Variants in GPD1 observed in about 807,000 individuals in gnomAD.
GPD1 encodes the protein glycerol-3-phosphate dehydrogenase 1.
A neutral mutation model predicts 34.4 loss-of-function variants in GPD1; 19 were observed. That is an observed-to-expected ratio of 0.55 (90% CI 0.39 to 0.81). GPD1 has a LOEUF of 0.81. Among genes scored for constraint, GPD1 ranks in the 30% least tolerant of loss-of-function variants. GPD1 has a pLI of 0.00. For missense variants in GPD1, 429 were observed against 447.0 expected (o/e 0.96, Z 0.36); for synonymous variants, 172 against 174.1 (o/e 0.99, Z 0.09).
Position 50,106,338 on chromosome 12 carries a change from G to A in GPD1, c.411G>A (p.Gly137=), listed in dbSNP as rs903590168. The change falls in exon 4 of 8, where the codon GGG becomes GGA. Residue 137 remains glycine, a synonymous_variant. Transcript: ENST00000301149. ...TGAAGCTCATCTCGGAAGTGATTGG[G>A]GAGCGCCTCGGCATCCCCATGAGTG... is the stretch of plus-strand genomic sequence containing the variant. ...NGLKLISEVI[G]ERLGIPMSVL... 9 of 1,613,590 alleles carry A rather than the reference G, an allele frequency of 5.6e-6. No individual in the cohort carries two copies. The highest frequency in any genetic ancestry group is 6.8e-6 in the Non-Finnish European group (8 of 1,179,750).
intron 2 of GPD1, chr12:50,105,274 G>A (rs963244126): frequency 2.5e-5 from 12 of 479,986 alleles, no homozygotes; most frequent in East Asian, 1.0e-4. Context: ...TTGGCCTCCC[G>A]CACTGTCCCA....
chr12:50,108,092 G>A lies in GPD1; in HGVS notation c.915G>A (p.Glu305=). 1 of 1,612,338 alleles carries A rather than the reference G, an allele frequency of 6.2e-7. No individual in the cohort carries two copies. ...TGCAGGGGCCCGAGACAGCCCGGGAGCTATACAGCATCCTCCAGCACAAGG... is the reference window on the plus strand; with the variant it reads ...TGCAGGGGCCCGAGACAGCCCGGGAACTATACAGCATCCTCCAGCACAAGG... ...QKLQGPETAR[E]LYSILQHKGL... Residue 305 remains glutamate (E), a synonymous_variant, in exon 7 of 8, where the codon GAG becomes GAA. Transcript: ENST00000301149.
chr12:50,109,271 T>G, intron 7 of GPD1, 152 bp from the exon 8 acceptor site: 2 of 611,104 alleles, frequency 3.3e-6, no homozygotes, highest in Non-Finnish European at 6.0e-6. Context: ...GGCTAGGGAG[T>G]TCACATTCTC....
rs1458028103 is a variant in GPD1 at position 50,107,684 on chromosome 12, A to G, written c.730A>G (p.Ser244Gly). 1 of 1,614,004 alleles carries G rather than the reference A, an allele frequency of 6.2e-7. No individual in the cohort carries two copies. Among genetic ancestry groups the G allele is most frequent in the Non-Finnish European group, 8.5e-7 (1 of 1,179,850 alleles). ...EMIAFAKLFC[S>G]GPVSSATFLE... ...GATAGCCTTCGCCAAGCTCTTCTGC[A>G]GTGGCCCTGTGTCCTCTGCCACCTT... The change falls in exon 6 of 8, where the codon AGT becomes GGT. Residue 244 changes from serine (S) to glycine (G), a missense_variant. Physicochemically the swap from Ser to Gly is moderately conservative, Grantham distance 56. Coordinates refer to ENST00000301149, the MANE Select transcript of GPD1 (RefSeq NM_005276.4).
intron 3 of GPD1, 112 bp from the exon 4 acceptor site, chr12:50,106,176 C>A: frequency 5.1e-6 from 5 of 973,228 alleles, no homozygotes; most frequent in Non-Finnish European, 7.5e-6. Flanking sequence ...TGGGGCAGGA[C>A]CTGTCGGGAG....
rs1292329160 is a variant in GPD1 at position 50,104,751 on chromosome 12, G to A, written c.219G>A (p.Val73=). 6.2e-7 allele frequency: 1 copy of A among 1,613,060 alleles called. No homozygotes were observed. Among genetic ancestry groups the A allele is most frequent in the Non-Finnish European group, 8.5e-7 (1 of 1,179,276 alleles). The change falls in exon 2 of 8, where the codon GTG becomes GTA. Residue 73 remains valine (V), a splice_region_variant and synonymous_variant. Coordinates refer to ENST00000301149, the MANE Select transcript of GPD1 (RefSeq NM_005276.4). ...CAGGGCACAAGTTGCCCCCAAATGT[G>A]GTGAGCCCCAACACCCTGCGAAGAA... ...YLPGHKLPPN[V]VAVPDVVQAA...
At position 50,105,700 on chromosome 12, in the gene GPD1, A is replaced by C; in HGVS notation, c.360+12A>C. The C allele has an allele frequency of 1.2e-6, 2 of 1,613,752 alleles. No homozygotes were observed. Among genetic ancestry groups the C allele is most frequent in the Non-Finnish European group, 1.7e-6 (2 of 1,179,730 alleles). On this transcript the variant is annotated intron_variant, in intron 3 of 7. Coordinates refer to ENST00000301149, the MANE Select transcript of GPD1 (RefSeq NM_005276.4). ...TATCTCTTATTAAGGTGCCAGGGAC[A>C]CCTTCATGTGGATGGGGGAGGGTGC...
rs1297564374 is a variant in GPD1 at position 50,105,565 on chromosome 12, G to A, written c.237G>A (p.Val79=). The stretch of plus-strand genomic sequence containing the variant: ...CCCCACAGGTGGCTGTCCCAGATGT[G>A]GTCCAGGCTGCAGAGGATGCTGACA... The part of the protein sequence containing the change: ...LPPNVVAVPD[V]VQAAEDADIL... The change falls in exon 3 of 8, where the codon GTG becomes GTA. Residue 79 remains valine, a synonymous_variant. Coordinates refer to ENST00000301149, the MANE Select transcript of GPD1 (RefSeq NM_005276.4). 1.9e-6 allele frequency: 3 copies of A among 1,613,510 alleles called. No homozygotes were observed. The African/African-American group carries it at 4.0e-5, about 22-fold the overall frequency.
chr12:50,104,117 G>A, intron 1 of GPD1, 26 bp downstream of exon 1: 5 of 1,611,094 alleles, frequency 3.1e-6, no homozygotes, highest in Middle Eastern at 1.7e-4. Flanking sequence ...AAGTGATATG[G>A]GGGAAGGGTA....
At position 50,105,946 on chromosome 12, in the gene GPD1, A is replaced by T. The variant is rs751813883; in HGVS notation, c.360+258A>T. 72 of 678,664 alleles carry T rather than the reference A, an allele frequency of 1.1e-4. No homozygotes were observed. In the South Asian group the frequency reaches 1.1e-3, roughly 10 times the overall value. The allele number at this position is 678,664 out of a possible 1,614,324, so 42.0% of individuals were successfully genotyped here. A position where few individuals can be genotyped will look rare whatever the true frequency, so the allele number is the denominator to read the frequency against. ...TCGGAGGTATAAAGGAATGCCTGGG[A>T]GATATGAGAAGCGGGCTGGTTTGAG... On this transcript the variant is annotated intron_variant, in intron 3 of 7. Coordinates refer to ENST00000301149, the MANE Select transcript of GPD1 (RefSeq NM_005276.4).
At chr12:50,109,363 GT>G (rs1951005756) in intron 7 of GPD1, 59 bp from the exon 8 acceptor site, 1 of 859,326 alleles carries the variant, frequency 1.2e-6, no homozygotes. Flanking sequence ...GTGAGTGGGG[GT>G]GGGGGTAGAG....
Position 50,106,327 on chromosome 12 carries a change from G to A in GPD1, c.400G>A (p.Glu134Lys). The change falls in exon 4 of 8, where the codon GAA becomes AAA. Residue 134 changes from glutamate (E) to lysine (K), a missense_variant. Physicochemically the swap from Glu to Lys is moderately conservative, Grantham distance 56 (BLOSUM62 1). Transcript: ENST00000301149. ...CCCCAATGGGCTGAAGCTCATCTCG[G>A]AAGTGATTGGGGAGCGCCTCGGCAT... The part of the protein sequence containing the change: ...EGPNGLKLIS[E>K]VIGERLGIPM... 2.5e-6 allele frequency: 4 copies of A among 1,613,658 alleles called. No individual in the cohort carries two copies. Among genetic ancestry groups the A allele is most frequent in the Non-Finnish European group, 3.4e-6 (4 of 1,179,806 alleles).
chr12:50,105,515 G>T (rs761306104), intron 2 of GPD1, 33 bp from the exon 3 acceptor site: 1 of 1,598,784 alleles, frequency 6.3e-7, no homozygotes, highest in South Asian at 1.1e-5. Context: ...GGGGAGGTCT[G>T]CCAGGCCCGC....
chr12:50,104,824 A>G, intron 2 of GPD1, 73 bp downstream of exon 2: 1 of 1,325,296 alleles, frequency 7.5e-7, no homozygotes, highest in Non-Finnish European at 1.1e-6. Flanking sequence ...CTTACTCAAC[A>G]GGTGCCTCCT....
chr12:50,104,888 G>A lies in GPD1; in HGVS notation c.219+137G>A, dbSNP rs182514718. 2.5e-5 allele frequency: 17 copies of A among 671,656 alleles called. 1 individual carries two copies. The highest frequency in any genetic ancestry group is 1.1e-4 in the Admixed American group (4 of 37,246). 41.6% of individuals were successfully genotyped at this position (671,656 alleles called of 1,614,324 possible). On this transcript the variant is annotated intron_variant, in intron 2 of 7. Coordinates refer to ENST00000301149, the MANE Select transcript of GPD1 (RefSeq NM_005276.4). The stretch of plus-strand genomic sequence containing the variant: ...GACTTGGGAAGGTCTCAGGAGGGCT[G>A]CTCTGGGCCCTTTCCTGAGGACTGA...
Position 50,106,290 on chromosome 12 carries a change from G to C in GPD1, c.363G>C (p.Gly121=), listed in dbSNP as rs1008532410. 5 of 1,608,884 alleles carry C rather than the reference G, an allele frequency of 3.1e-6. No individual in the cohort carries two copies. The Admixed American group carries it at 6.9e-5, about 22-fold the overall frequency. The change falls in exon 4 of 8, where the codon GGG becomes GGC. Residue 121 remains glycine (G), a splice_region_variant and synonymous_variant. Coordinates refer to ENST00000301149, the MANE Select transcript of GPD1 (RefSeq NM_005276.4). ...CCTGAGCTCCATCCTGTGCTCAGGGGGTAGACGAGGGCCCCAATGGGCTGA... is the reference window on the plus strand; with the variant it reads ...CCTGAGCTCCATCCTGTGCTCAGGGCGTAGACGAGGGCCCCAATGGGCTGA... The part of the protein sequence containing the change: ...ANATGISLIK[G]VDEGPNGLKL...
Position 50,109,383 on chromosome 12 carries a change from G to T in GPD1, c.954-40G>T, listed in dbSNP as rs772286265. The T allele has an allele frequency of 5.0e-6, 5 of 1,002,082 alleles. No individual in the cohort carries two copies. The East Asian group carries it at 1.2e-4, about 24-fold the overall frequency. The allele number at this position is 1,002,082 out of a possible 1,614,324, so 62.1% of individuals were successfully genotyped here. A position where few individuals can be genotyped will look rare whatever the true frequency, so the allele number is the denominator to read the frequency against. On this transcript the variant is annotated intron_variant, in intron 7 of 7. Coordinates refer to ENST00000301149, the MANE Select transcript of GPD1 (RefSeq NM_005276.4). ...TGGGGGTGGGGGTAGAGTGGACCAGGAGTGGGAGGCTAAGCTGAGCCTTTC... is the reference window on the plus strand; with the variant it reads ...TGGGGGTGGGGGTAGAGTGGACCAGTAGTGGGAGGCTAAGCTGAGCCTTTC...
chr12:50,108,675 G>A (rs557479715), intron 7 of GPD1, among the ~76,000 whole-genome samples: 2 of 152,358 alleles, frequency 1.3e-5, no homozygotes, highest in Non-Finnish European at 2.9e-5. Flanking sequence ...ACTGGTCAGG[G>A]TAAAGCTTGG....
intron 1 of GPD1, 76 bp from the exon 2 acceptor site, chr12:50,104,498 C>A: frequency 8.8e-7 from 1 of 1,140,756 alleles, no homozygotes; most frequent in Non-Finnish European, 1.3e-6. Flanking sequence ...GCTGTGAGAT[C>A]CTGAGGTGGG....
Sources: gnomAD v4.1 joint callset for allele counts (sites outside exome capture counted in the v4.1 genomes callset) on GRCh38, gnomAD v4.1.1 for gene constraint, MANE v1.5 for transcripts, NCBI Gene and HGNC (gene_info 2026-07-23, HGNC 2026-07-21) for gene names.